GPR119: variants seen among roughly 807,000 people sequenced by gnomAD.
GPR119 encodes G protein-coupled receptor 119, also known as glucose-dependent insulinotropic receptor.
Under a neutral mutation model 13.3 loss-of-function variants are expected in GPR119, and 7 were observed. The observed-to-expected ratio is 0.53, with a 90% CI of 0.30 to 0.99. The LOEUF is 0.99. Among genes scored for constraint, GPR119 ranks in the 50% least tolerant of loss-of-function variants. GPR119 has a pLI of 0.06. For missense variants in GPR119, 197 were observed against 263.0 expected (o/e 0.75, Z 1.74); for synonymous variants, 107 against 112.5 (o/e 0.95, Z 0.31).
rs1569458461 is a variant in GPR119 at position 130,384,783 on chromosome X, T to C, written c.665A>G (p.Lys222Arg). 1 of 1,211,564 alleles carries C rather than the reference T, an allele frequency of 8.3e-7. No individual in the cohort carries two copies. Among genetic ancestry groups the C allele is most frequent in the South Asian group, 1.8e-5 (1 of 56,964 alleles). Residue 222 changes from lysine to arginine, a missense_variant, in exon 1 of 2, where the codon AAA becomes AGA. Lys to Arg is a conservative substitution (Grantham distance 26, BLOSUM62 2). Coordinates refer to ENST00000682440, the MANE Select transcript of GPR119 (RefSeq NM_178471.3). ...YRSPRTPSDF[K>R]ALRTVSVLIG... ...GAGAACAGACACAGTACGGAGAGCT[T>C]TGAAGTCGCTGGGAGTCCGTGGGGA...
rs2034361450 is a variant in GPR119 at position 130,382,078 on chromosome X, C to G, written c.*478G>C. Among the ~76,000 whole-genome samples the G allele has an allele frequency of 9.1e-6, 1 of 110,332 alleles. No individual in the cohort carries two copies. The highest frequency in any genetic ancestry group is 9.7e-5 in the Admixed American group (1 of 10,265). On this transcript the variant is annotated 3_prime_UTR_variant, in exon 2 of 2. Coordinates refer to ENST00000682440, the MANE Select transcript of GPR119 (RefSeq NM_178471.3). Reference sequence around the variant, plus strand: ...ATATATATTTTTTATTTTTAATTGACAAATAATTGTATATATTACGTGGGG... The same window carrying G: ...ATATATATTTTTTATTTTTAATTGAGAAATAATTGTATATATTACGTGGGG...
chrX:130,384,044 A>G (rs1035057861), intron 1 of GPR119, among the ~76,000 whole-genome samples: 1 of 112,709 alleles, frequency 8.9e-6, no homozygotes, highest in Non-Finnish European at 1.9e-5. Context: ...TTTTACCTTT[A>G]TAAAACGGTT....
Position 130,381,543 on chromosome X carries a change from G to A in GPR119, c.*1013C>T, listed in dbSNP as rs1342679747. Among the ~76,000 whole-genome samples the A allele has an allele frequency of 3.6e-5, 4 of 111,503 alleles. No individual in the cohort carries two copies. The East Asian group carries it at 1.1e-3, about 31-fold the overall frequency. The stretch of plus-strand genomic sequence containing the variant: ...ATCCGCTCTGTCTTGATACTGCTAA[G>A]GTATTAGATTTATTGTTTGTCTTTT... On this transcript the variant is annotated 3_prime_UTR_variant, in exon 2 of 2. Transcript: ENST00000682440.
At chrX:130,383,206 G>T (rs1349850626) in intron 1 of GPR119, among the ~76,000 whole-genome samples, 1 of 111,647 alleles carries the variant, frequency 9.0e-6, no homozygotes, top group African/African-American at 3.3e-5. Flanking sequence ...TCTGTTCTTG[G>T]TTTTTTGCTG....
chrX:130,384,713 G>A lies in GPR119; in HGVS notation c.735C>T (p.Gly245=). The A allele has an allele frequency of 8.3e-7, 1 of 1,211,913 alleles. No homozygotes were observed. The highest frequency in any genetic ancestry group is 1.8e-5 in the South Asian group (1 of 57,001). The part of the protein sequence containing the change: ...ALSWTPFLIT[G]IVQVACQECH... Reference sequence around the variant, plus strand: ...ACTCCTGGCAGGCCACCTGCACAATGCCAGTGATAAGGAAGGGGGTCCAGG... The same window carrying A: ...ACTCCTGGCAGGCCACCTGCACAATACCAGTGATAAGGAAGGGGGTCCAGG... Residue 245 remains glycine, a synonymous_variant, in exon 1 of 2, where the codon GGC becomes GGT. Coordinates refer to ENST00000682440, the MANE Select transcript of GPR119 (RefSeq NM_178471.3).
rs2034350630 is a variant in GPR119, at chrX:130,379,567, A to G, written c.*2989T>C. On this transcript the variant is annotated 3_prime_UTR_variant, in exon 2 of 2. Transcript: ENST00000682440. The stretch of plus-strand genomic sequence containing the variant: ...ACACAGGGATATTTATCATGCTATT[A>G]TAACAGAAATTAGAAATAACCTAAG... 8.9e-6 allele frequency among the ~76,000 whole-genome samples: 1 copy of G among 112,356 alleles called. No homozygotes were observed. The highest frequency in any genetic ancestry group is 3.2e-5 in the African/African-American group (1 of 30,945).
chrX:130,384,320 C>T lies in GPR119; in HGVS notation c.*4+116G>A, dbSNP rs1471903083. ...CCTGTCAGTCTGGGGGTGGGGGATG[C>T]TGGGACAGGGGTCAATTGCCTGAAG... On this transcript the variant is annotated intron_variant, in intron 1 of 1. Coordinates refer to ENST00000682440, the MANE Select transcript of GPR119 (RefSeq NM_178471.3). 4 of 640,171 alleles carry T rather than the reference C, an allele frequency of 6.2e-6. No homozygotes were observed. In the East Asian group the frequency reaches 1.3e-4, roughly 21 times the overall value. The allele number at this position is 640,171 out of a possible 1,213,427, so 52.8% of individuals were successfully genotyped here.
chrX:130,382,637 A>G (rs1188653657), intron 1 of GPR119, among the ~76,000 whole-genome samples, 86 bp from the exon 2 acceptor site: 1 of 111,895 alleles, frequency 8.9e-6, no homozygotes, highest in African/African-American at 3.3e-5. Context: ...AAGAAGATAT[A>G]GGGTGAAGGT....
chrX:130,383,246 G>T (rs1328936979), intron 1 of GPR119, among the ~76,000 whole-genome samples: 2 of 112,002 alleles, frequency 1.8e-5, no homozygotes, highest in East Asian at 5.6e-4. Context: ...ACTGAGCATA[G>T]TTCCCATCTG....
rs200020288 is a variant in GPR119, at chrX:130,384,956, G to A, written c.492C>T (p.His164=). ...QCSFFAVFHP[H]FVLTLSCVGF... ...CAACGCAGGAGAGGGTCAGCACGAA[G>A]TGAGGGTGAAATACAGCAAAGAAGC... Residue 164 remains histidine (H), a synonymous_variant, in exon 1 of 2, where the codon CAC becomes CAT. Coordinates refer to ENST00000682440, the MANE Select transcript of GPR119 (RefSeq NM_178471.3). 5.5e-5 allele frequency: 67 copies of A among 1,210,616 alleles called. No homozygotes were observed. The highest frequency in any genetic ancestry group is 6.9e-5 in the Non-Finnish European group (62 of 895,401).
In GPR119 at chrX:130,380,477, C is replaced by T. The variant is rs141015664; in HGVS notation, c.*2079G>A. ...TGTCCTTATGTTCTTTGAGAATAGT[C>T]CTCTGAAATTGAGGTGTTGATATGT... On this transcript the variant is annotated 3_prime_UTR_variant, in exon 2 of 2. Coordinates refer to ENST00000682440, the MANE Select transcript of GPR119 (RefSeq NM_178471.3). Among the ~76,000 whole-genome samples the T allele has an allele frequency of 0.01, 1,142 of 112,261 alleles. 16 individuals carry two copies. The highest frequency in any genetic ancestry group is 0.035 in the African/African-American group (1,068 of 30,934).
At position 130,382,051 on chromosome X, in the gene GPR119, A is replaced by G. The variant is rs948463526; in HGVS notation, c.*505T>C. ...CCCTCCTGCTTTTCTGTACTTAAAAATATATATATTTTTTATTTTTAATTG... is the reference window on the plus strand; with the variant it reads ...CCCTCCTGCTTTTCTGTACTTAAAAGTATATATATTTTTTATTTTTAATTG... On this transcript the variant is annotated 3_prime_UTR_variant, in exon 2 of 2. Coordinates refer to ENST00000682440, the MANE Select transcript of GPR119 (RefSeq NM_178471.3). 8.1e-5 allele frequency among the ~76,000 whole-genome samples: 9 copies of G among 110,509 alleles called. No individual in the cohort carries two copies. The highest frequency in any genetic ancestry group is 1.5e-4 in the Non-Finnish European group (8 of 53,102).
rs2034360869 is a variant in GPR119 at position 130,381,996 on chromosome X, A to AG, written c.*559_*560insC. 9.0e-6 allele frequency among the ~76,000 whole-genome samples: 1 copy of AG among 110,971 alleles called. No homozygotes were observed. Among genetic ancestry groups the AG allele is most frequent in the Non-Finnish European group, 1.9e-5 (1 of 53,004 alleles). On this transcript the variant is annotated 3_prime_UTR_variant, in exon 2 of 2. Coordinates refer to ENST00000682440, the MANE Select transcript of GPR119 (RefSeq NM_178471.3). ...TAGCAGAGTTTCTTAGATTGAACCT[A>AG]ATAACACACTGATCACCTGGCCTCT...
At position 130,379,917 on chromosome X, in the gene GPR119, A is replaced by G. The variant is rs573906205; in HGVS notation, c.*2639T>C. On this transcript the variant is annotated 3_prime_UTR_variant, in exon 2 of 2. Transcript: ENST00000682440. ...AGCAAAGCTGGGGCAATTTTAGCAC[A>G]TAGCTCTCAATGTTTGTGAGATAGG... Among the ~76,000 whole-genome samples, 17 of 112,918 alleles carry G rather than the reference A, an allele frequency of 1.5e-4. No individual in the cohort carries two copies. The highest frequency in any genetic ancestry group is 5.5e-4 in the African/African-American group (17 of 31,169).
Position 130,385,142 on chromosome X carries a change from G to A in GPR119, c.306C>T (p.Asp102=). The change falls in exon 1 of 2, where the codon GAC becomes GAT. Residue 102 remains aspartate, a synonymous_variant. Coordinates refer to ENST00000682440, the MANE Select transcript of GPR119 (RefSeq NM_178471.3). The stretch of plus-strand genomic sequence containing the variant: ...AGGGCTGCTTGATGGCAAGGTACCT[G>A]TCAAAGGTGATCAGCATGACCGTGA... ...SVLTVMLITF[D]RYLAIKQPFR... is the part of the protein sequence containing the mutation. 8.3e-7 allele frequency: 1 copy of A among 1,211,908 alleles called. No homozygotes were observed. The highest frequency in any genetic ancestry group is 1.1e-6 in the Non-Finnish European group (1 of 895,375).
In GPR119 at chrX:130,380,396, A is replaced by G. The variant is rs1343992010; in HGVS notation, c.*2160T>C. 1.8e-5 allele frequency among the ~76,000 whole-genome samples: 2 copies of G among 112,485 alleles called. No homozygotes were observed. The highest frequency in any genetic ancestry group is 3.8e-5 in the Non-Finnish European group (2 of 53,310). On this transcript the variant is annotated 3_prime_UTR_variant, in exon 2 of 2. Transcript: ENST00000682440. The stretch of plus-strand genomic sequence containing the variant: ...AAGCAGGAGTGTGTTGGTCAGGGTA[A>G]CCTGCCTCTAACACTTGTGAAACCA...
Position 130,384,516 on chromosome X carries a change from C to G in GPR119, c.932G>C (p.Arg311Thr). The change falls in exon 1 of 2, where the codon AGG becomes ACG. Residue 311 changes from arginine (R) to threonine (T), a missense_variant. Arg to Thr is a moderately conservative substitution (Grantham distance 71). Coordinates refer to ENST00000682440, the MANE Select transcript of GPR119 (RefSeq NM_178471.3). Reference protein sequence around the residue: ...LTSFLLFLSARNCGPERPRES... With the variant: ...LTSFLLFLSATNCGPERPRES... Reference sequence around the variant, plus strand: ...CCTGGGCCTCTCTGGGCCACAATTCCTGGCCGAGAGAAAGAGGAGGAATGA... The same window carrying G: ...CCTGGGCCTCTCTGGGCCACAATTCGTGGCCGAGAGAAAGAGGAGGAATGA... 1 of 1,211,402 alleles carries G rather than the reference C, an allele frequency of 8.3e-7. No individual in the cohort carries two copies. The highest frequency in any genetic ancestry group is 1.1e-6 in the Non-Finnish European group (1 of 895,011).
rs1031465464 is a variant in GPR119 at position 130,381,301 on chromosome X, C to T, written c.*1255G>A. Among the ~76,000 whole-genome samples the T allele has an allele frequency of 1.8e-5, 2 of 111,178 alleles. No homozygotes were observed. Among genetic ancestry groups the T allele is most frequent in the African/African-American group, 6.6e-5 (2 of 30,524 alleles). ...GAGTAGCTGGGATTACAGGCGCCTG[C>T]CATCGTGCCCAGCTAATTTTTGTAT... On this transcript the variant is annotated 3_prime_UTR_variant, in exon 2 of 2. Coordinates refer to ENST00000682440, the MANE Select transcript of GPR119 (RefSeq NM_178471.3).
chrX:130,384,973 C>T lies in GPR119; in HGVS notation c.475G>A (p.Ala159Thr). The T allele has an allele frequency of 8.3e-7, 1 of 1,211,941 alleles. No individual in the cohort carries two copies. Among genetic ancestry groups the T allele is most frequent in the Non-Finnish European group, 1.1e-6 (1 of 895,537 alleles). ...TAYKGQCSFFAVFHPHFVLTL... is the reference protein window; with the variant it reads ...TAYKGQCSFFTVFHPHFVLTL... ...AGCACGAAGTGAGGGTGAAATACAG[C>T]AAAGAAGCTGCACTGCCCTTTGTAG... The change falls in exon 1 of 2, where the codon GCT becomes ACT. Residue 159 changes from alanine to threonine, a missense_variant. Coordinates refer to ENST00000682440, the MANE Select transcript of GPR119 (RefSeq NM_178471.3).
Sources: allele counts gnomAD v4.1 joint callset (sites outside exome capture counted in the v4.1 genomes callset), GRCh38; gene constraint gnomAD v4.1.1; transcripts MANE v1.5; gene names NCBI Gene and HGNC (gene_info 2026-07-23, HGNC 2026-07-21).